The following DISC1 variants were observed in gnomAD, a reference collection of about 807,000 sequenced individuals.
DISC1 encodes disrupted in schizophrenia 1 protein.
In DISC1, 57 loss-of-function variants were observed where a neutral mutation model predicts 84.5. That is an observed-to-expected ratio of 0.67 (90% confidence interval 0.55 to 0.84). The LOEUF is 0.84. Among genes scored for constraint, DISC1 ranks in the 40% least tolerant of loss-of-function variants. DISC1 has a pLI of 0.00. For missense variants in DISC1, 1,000 were observed against 1,057.8 expected (o/e 0.95, Z 0.76); for synonymous variants, 411 against 415.2 (o/e 0.99, Z 0.12).
At chr1:231,700,783 G>A (rs982664521) in intron 2 of DISC1, among the ~76,000 whole-genome samples, 1 of 152,180 alleles carries the variant, frequency 6.6e-6, no homozygotes, top group Non-Finnish European at 1.5e-5. Flanking sequence ...TCTATGAATA[G>A]AAGAAGCAAG....
intron 9 of DISC1, among the ~76,000 whole-genome samples, chr1:231,882,034 C>G (rs1177288738): frequency 6.6e-6 from 1 of 152,192 alleles, no homozygotes; most frequent in Non-Finnish European, 1.5e-5. Flanking sequence ...CAGCCCATCT[C>G]CACTCCTCCC....
intron 3 of DISC1, among the ~76,000 whole-genome samples, chr1:231,728,204 C>A (rs2071008040): frequency 6.6e-6 from 1 of 152,086 alleles, no homozygotes. Context: ...ACATGTTGTG[C>A]CATCTATGAT....
chr1:232,026,172 G>A (rs1193163521), intron 11 of DISC1, among the ~76,000 whole-genome samples: 1 of 152,154 alleles, frequency 6.6e-6, no homozygotes, highest in Admixed American at 6.5e-5. Flanking sequence ...TCCACTTCGG[G>A]ACTTGACATA....
intron 9 of DISC1, among the ~76,000 whole-genome samples, chr1:231,864,427 G>T (rs911847245): frequency 1.4e-4 from 22 of 152,188 alleles, no homozygotes; most frequent in African/African-American, 5.3e-4. Context: ...ACTTTGGGAG[G>T]CCGAGGTGGG....
At chr1:232,021,040 A>G (rs1668908410) in intron 11 of DISC1, among the ~76,000 whole-genome samples, 1 of 152,176 alleles carries the variant, frequency 6.6e-6, no homozygotes, top group South Asian at 2.1e-4. Flanking sequence ...AACATCACAT[A>G]CCAGGAGGAC....
intron 8 of DISC1, among the ~76,000 whole-genome samples, chr1:231,801,798 C>T (rs920475882): frequency 2.0e-5 from 3 of 151,784 alleles, no homozygotes; most frequent in Non-Finnish European, 4.4e-5. Context: ...TCTTAAAAGC[C>T]CTATTGAATG....
chr1:231,879,236 G>C (rs527311344), intron 9 of DISC1, among the ~76,000 whole-genome samples: 1 of 151,970 alleles, frequency 6.6e-6, no homozygotes, highest in Admixed American at 6.6e-5. Flanking sequence ...ATTTTGGAAC[G>C]TTTCAGATTT....
chr1:231,706,502 G>A (rs1158922040), intron 3 of DISC1, among the ~76,000 whole-genome samples: 1 of 152,160 alleles, frequency 6.6e-6, no homozygotes, highest in Non-Finnish European at 1.5e-5. Context: ...TTCCACTTCC[G>A]ATGTGAGCAA....
At chr1:231,750,654 C>A in intron 4 of DISC1, 1 of 939,402 alleles carries the variant, frequency 1.1e-6, no homozygotes, top group African/African-American at 1.8e-5. Context: ...AGGCTCCTCC[C>A]CAGGCAAGCT....
In DISC1 at chr1:232,033,508, C is replaced by T. The variant is rs151223989; in HGVS notation, c.2426-3184C>T. On this transcript the variant is annotated intron_variant, in intron 12 of 12. Transcript: ENST00000439617. ...GCTCCAGGTCCTCCCACGGCTCCTC[C>T]CATCTCACTGTGAACACAGCACAGC... Among the ~76,000 whole-genome samples, 433 of 152,338 alleles carry T rather than the reference C, an allele frequency of 2.8e-3. 1 individual carries two copies. The highest frequency in any genetic ancestry group is 0.01 in the African/African-American group (423 of 41,572).
chr1:231,946,901 G>A (rs1417178877), intron 9 of DISC1, among the ~76,000 whole-genome samples: 2 of 152,156 alleles, frequency 1.3e-5, no homozygotes, highest in African/African-American at 4.8e-5. Flanking sequence ...ACTTACAAGG[G>A]TTGTGAAGGA....
intron 10 of DISC1, among the ~76,000 whole-genome samples, chr1:231,998,728 G>A (rs1255693597): frequency 3.3e-5 from 5 of 152,204 alleles, no homozygotes; most frequent in Non-Finnish European, 7.3e-5. Flanking sequence ...AAGATGAAAA[G>A]TCTAGGAGGA....
At chr1:231,864,869 A>G (rs2084941748) in intron 9 of DISC1, among the ~76,000 whole-genome samples, 1 of 152,214 alleles carries the variant, frequency 6.6e-6, no homozygotes, top group South Asian at 2.1e-4. Context: ...TGAATATCAG[A>G]TTACTCCAGA....
intron 10 of DISC1, among the ~76,000 whole-genome samples, chr1:231,967,060 A>G (rs1661216396): frequency 6.6e-6 from 1 of 152,256 alleles, no homozygotes; most frequent in Non-Finnish European, 1.5e-5. Context: ...AAGATGATCC[A>G]GTTCTCTTTT....
chr1:231,911,752 A>C (rs1021938598), intron 9 of DISC1, among the ~76,000 whole-genome samples: 2 of 152,162 alleles, frequency 1.3e-5, no homozygotes, highest in African/African-American at 4.8e-5. Flanking sequence ...TCTCCTGGAT[A>C]ATATCCTGCA....
At chr1:231,981,366 G>A (rs977616001) in intron 10 of DISC1, among the ~76,000 whole-genome samples, 3 of 152,210 alleles carry the variant, frequency 2.0e-5, no homozygotes, top group Non-Finnish European at 2.9e-5. Context: ...TGTGAATAAT[G>A]AGGGAAACTG....
At chr1:231,816,766 T>G (rs964166284) in intron 8 of DISC1, among the ~76,000 whole-genome samples, 17 of 152,226 alleles carry the variant, frequency 1.1e-4, no homozygotes, top group African/African-American at 3.4e-4. Context: ...TGTTTGTCTA[T>G]GTATATTCAA....
chr1:231,773,836 T>A (rs933575855), intron 6 of DISC1, among the ~76,000 whole-genome samples: 3 of 152,118 alleles, frequency 2.0e-5, no homozygotes, highest in Non-Finnish European at 4.4e-5. Context: ...ATCCGAACAT[T>A]CCCACTGAGA....
chr1:231,780,520 G>A (rs866018424), intron 6 of DISC1, among the ~76,000 whole-genome samples: 1 of 143,232 alleles, frequency 7.0e-6, no homozygotes, highest in African/African-American at 2.6e-5. Flanking sequence ...ACAGGTGCTG[G>A]AGAGGATGTG....
Sources: gnomAD v4.1 joint callset for allele counts (sites outside exome capture counted in the v4.1 genomes callset) on GRCh38, gnomAD v4.1.1 for gene constraint, MANE v1.5 for transcripts, NCBI Gene and HGNC (gene_info 2026-07-23, HGNC 2026-07-21) for gene names.